Variants in ARHGAP39 observed in about 807,000 individuals in gnomAD.
ARHGAP39 encodes rho GTPase-activating protein 39.
A neutral mutation model predicts 106.9 loss-of-function variants in ARHGAP39; 44 were observed. That is an observed-to-expected ratio of 0.41 (90% CI 0.32 to 0.53). The LOEUF (loss-of-function observed/expected upper bound fraction) is 0.53, where lower values mean the gene tolerates loss of function less well. Among genes scored for constraint, ARHGAP39 ranks in the 20% least tolerant of loss-of-function variants. ARHGAP39 has a pLI of 0.21. For missense variants in ARHGAP39, 1,496 were observed against 1,577.3 expected (o/e 0.95, Z 0.87); for synonymous variants, 768 against 693.2 (o/e 1.11, Z -1.69).
intron 1 of ARHGAP39, among the ~76,000 whole-genome samples, chr8:144,642,933 A>G (rs1189267073): frequency 2.0e-5 from 3 of 151,794 alleles, no homozygotes; most frequent in African/African-American, 7.3e-5. Context: ...GGATCCCTTG[A>G]GCACAGGAGA....
the ARHGAP39 span, among the ~76,000 whole-genome samples, chr8:144,693,580 A>G: frequency 7.1e-6 from 1 of 141,196 alleles, no homozygotes; most frequent in Admixed American, 7.2e-5. Flanking sequence ...TCACCGTGTT[A>G]GCCAGGATCG....
rs1267915514 is a variant in ARHGAP39 at position 144,603,023 on chromosome 8, AT to A, written c.80+2511del. Among the ~76,000 whole-genome samples the A allele has an allele frequency of 2.5e-4, 25 of 101,834 alleles. 1 individual carries two copies. Among genetic ancestry groups the A allele is most frequent in the African/African-American group, 1.1e-3 (24 of 21,568 alleles). 66.8% of individuals were successfully genotyped at this position (101,834 alleles called of 152,430 possible). ...TGGAGGTGTGTGTGCGAGCTCATGTATCTGTGTGCGTGCGTGGAGGCGTGTG... is the reference window on the plus strand; with the variant it reads ...TGGAGGTGTGTGTGCGAGCTCATGTACTGTGTGCGTGCGTGGAGGCGTGTG... On this transcript the variant is annotated intron_variant, in intron 2 of 11. Transcript: ENST00000377307.
intron 5 of ARHGAP39, among the ~76,000 whole-genome samples, chr8:144,546,653 C>T (rs570375470): frequency 2.4e-4 from 37 of 152,238 alleles, no homozygotes; most frequent in South Asian, 2.3e-3. Flanking sequence ...CCAGGCTGGG[C>T]GCAACATCCC....
intron 7 of ARHGAP39, 41 bp downstream of exon 7, chr8:144,537,680 G>A: frequency 6.4e-7 from 1 of 1,573,556 alleles, no homozygotes; most frequent in Non-Finnish European, 8.7e-7. Context: ...GAGCAGAGCT[G>A]TGCAGACGCC....
chr8:144,534,828 G>A (rs1376608425), intron 7 of ARHGAP39, among the ~76,000 whole-genome samples: 1 of 152,260 alleles, frequency 6.6e-6, no homozygotes, highest in Non-Finnish European at 1.5e-5. Flanking sequence ...GGGTCCCTGA[G>A]GGGAGGGGCA....
Position 144,626,824 on chromosome 8 carries a change from T to C in ARHGAP39, c.-81-21129A>G, listed in dbSNP as rs1195554364. Among the ~76,000 whole-genome samples, 4 of 152,160 alleles carry C rather than the reference T, an allele frequency of 2.6e-5. No homozygotes were observed. In the East Asian group the frequency reaches 7.7e-4, roughly 29 times the overall value. ...CGGCTAGAGACCCCTCTCTCTGCAG[T>C]TCCCCCTCCTGACACTTGAGTGGGG... On this transcript the variant is annotated intron_variant, in intron 1 of 11. Transcript: ENST00000377307.
At chr8:144,618,875 C>T (rs565456227) in intron 1 of ARHGAP39, among the ~76,000 whole-genome samples, 17 of 152,368 alleles carry the variant, frequency 1.1e-4, no homozygotes, top group Admixed American at 4.6e-4. Flanking sequence ...GCCACCGTGG[C>T]GGGCACAGTT....
chr8:144,572,665 G>T (rs1586565823), intron 3 of ARHGAP39, among the ~76,000 whole-genome samples: 1 of 152,130 alleles, frequency 6.6e-6, no homozygotes, highest in Non-Finnish European at 1.5e-5. Flanking sequence ...CACAGCAAAA[G>T]AAACTACCAT....
chr8:144,683,670 A>C (rs1227819311), intron 1 of ARHGAP39, among the ~76,000 whole-genome samples: 1 of 152,126 alleles, frequency 6.6e-6, no homozygotes, highest in Admixed American at 6.5e-5. Context: ...AACGTCTTAA[A>C]ACAATCTTAT....
intron 4 of ARHGAP39, among the ~76,000 whole-genome samples, chr8:144,554,959 G>A (rs1300262718): frequency 6.6e-6 from 1 of 152,178 alleles, no homozygotes; most frequent in Non-Finnish European, 1.5e-5. Flanking sequence ...CCCCCCTACA[G>A]AAACAGCAGC....
At chr8:144,561,175 C>T (rs148234838) in intron 3 of ARHGAP39, among the ~76,000 whole-genome samples, 7 of 149,846 alleles carry the variant, frequency 4.7e-5, no homozygotes, top group Admixed American at 2.0e-4. Flanking sequence ...TGGTTTCCAT[C>T]GCACCCCAGC....
At chr8:144,655,823 T>C (rs564306013) in intron 1 of ARHGAP39, among the ~76,000 whole-genome samples, 3 of 152,238 alleles carry the variant, frequency 2.0e-5, no homozygotes, top group East Asian at 1.9e-4. Context: ...CGTAACACTA[T>C]GGATGTGACA....
chr8:144,558,107 T>C (rs1818013697), intron 3 of ARHGAP39, among the ~76,000 whole-genome samples: 1 of 152,124 alleles, frequency 6.6e-6, no homozygotes, highest in African/African-American at 2.4e-5. Context: ...AACAACAAAA[T>C]ACTAGGCACA....
intron 7 of ARHGAP39, 98 bp downstream of exon 7, chr8:144,537,623 C>A: frequency 9.9e-7 from 1 of 1,005,530 alleles, no homozygotes; most frequent in Non-Finnish European, 1.5e-6. Context: ...CCATCCCCCC[C>A]GCCCAGAAGC....
upstream of ARHGAP39, among the ~76,000 whole-genome samples, chr8:144,686,687 G>C (rs937657177): frequency 5.9e-5 from 9 of 152,274 alleles, no homozygotes; most frequent in South Asian, 1.9e-3. Context: ...CTCGCCGCCC[G>C]CGCTTCCCTG....
At chr8:144,560,775 C>A (rs768942284) in intron 3 of ARHGAP39, among the ~76,000 whole-genome samples, 1 of 152,182 alleles carries the variant, frequency 6.6e-6, no homozygotes, top group African/African-American at 2.4e-5. Context: ...AGGAGCATGA[C>A]GTCAACACTA....
chr8:144,530,736 C>A lies in ARHGAP39; in HGVS notation c.3116G>T (p.Arg1039Leu), dbSNP rs369823775. 6.2e-7 allele frequency: 1 copy of A among 1,608,940 alleles called. No individual in the cohort carries two copies. The highest frequency in any genetic ancestry group is 8.5e-7 in the Non-Finnish European group (1 of 1,178,158). ...AVVHALPRINRMVLCYLIRFL... is the reference protein window; with the variant it reads ...AVVHALPRINLMVLCYLIRFL... ...GCGGATGAGGTAGCACAGCACCATG[C>A]GGTTGATGCGGGGCAGCGCGTGCAC... Residue 1039 changes from arginine to leucine, a missense_variant, in exon 11 of 12, where the codon CGC becomes CTC. Arg to Leu is a moderately radical substitution (Grantham distance 102). This residue lies in a region of ARHGAP39 where 470 missense variants were observed against 605.1 expected (regional missense o/e 0.78). Coordinates refer to ENST00000377307, the MANE Select transcript of ARHGAP39 (RefSeq NM_025251.3).
At chr8:144,607,087 C>T (rs1222759746) in intron 1 of ARHGAP39, among the ~76,000 whole-genome samples, 1 of 151,258 alleles carries the variant, frequency 6.6e-6, no homozygotes, top group Non-Finnish European at 1.5e-5. Flanking sequence ...CAAAGGGCCA[C>T]ATCAGACATA....
intron 1 of ARHGAP39, among the ~76,000 whole-genome samples, chr8:144,674,626 C>A (rs373518984): frequency 1.3e-5 from 2 of 152,184 alleles, no homozygotes; most frequent in Non-Finnish European, 2.9e-5. Context: ...CAGGGACCTG[C>A]CCCTTTTCAC....
Sources: allele counts gnomAD v4.1 joint callset (sites outside exome capture counted in the v4.1 genomes callset), GRCh38; gene constraint gnomAD v4.1.1; regional missense constraint gnomAD v4.1.1; transcripts MANE v1.5; gene names NCBI Gene and HGNC (gene_info 2026-07-23, HGNC 2026-07-21).